The following GPATCH2 variants were observed in gnomAD, a reference collection of about 807,000 sequenced individuals.
GPATCH2 encodes the protein G patch domain-containing protein 2.
A neutral mutation model predicts 58.0 loss-of-function variants in GPATCH2; 51 were observed. The ratio of observed to expected loss-of-function variants is 0.88; its 90% CI spans 0.70 to 1.11. The LOEUF (loss-of-function observed/expected upper bound fraction) is 1.11, where lower values mean the gene tolerates loss of function less well. Ranked by LOEUF, GPATCH2 falls within the 50% of genes most tolerant of loss-of-function variation. The probability of loss-of-function intolerance (pLI) is 0.00; values close to 1 mark genes in which losing one functional copy is unlikely to be tolerated. For missense variants in GPATCH2, 625 were observed against 652.2 expected (o/e 0.96, Z 0.45); for synonymous variants, 222 against 218.5 (o/e 1.02, Z -0.14).
At chr1:217,470,727 C>A (rs1301237805) in intron 8 of GPATCH2, among the ~76,000 whole-genome samples, 1 of 151,870 alleles carries the variant, frequency 6.6e-6, no homozygotes, top group African/African-American at 2.4e-5. Flanking sequence ...TAATTAAATC[C>A]CTTAAAAACC....
intron 5 of GPATCH2, among the ~76,000 whole-genome samples, chr1:217,588,890 C>T (rs905753117): frequency 6.6e-6 from 1 of 152,142 alleles, no homozygotes; most frequent in Non-Finnish European, 1.5e-5. Context: ...ACACATAAAA[C>T]ATTTTAAACA....
intron 5 of GPATCH2, among the ~76,000 whole-genome samples, chr1:217,558,648 C>T (rs1032945699): frequency 1.3e-5 from 2 of 152,028 alleles, no homozygotes; most frequent in Non-Finnish European, 2.9e-5. Flanking sequence ...AAGTTGTGGT[C>T]ATCATTAAAA....
rs545914951 is a variant in GPATCH2 at position 217,463,484 on chromosome 1, G to C, written c.1278-14147C>G. On this transcript the variant is annotated intron_variant, in intron 8 of 9. Coordinates refer to ENST00000366935, the MANE Select transcript of GPATCH2 (RefSeq NM_018040.5). ...GCCTTGCTAGCCATGTTTAGGACTT[G>C]GTTTTAAGGCAATGAGAAGCCATTA... Among the ~76,000 whole-genome samples the C allele has an allele frequency of 6.6e-5, 10 of 151,968 alleles. No homozygotes were observed. In the South Asian group the frequency reaches 2.1e-3, roughly 32 times the overall value.
intron 5 of GPATCH2, among the ~76,000 whole-genome samples, chr1:217,565,616 A>C (rs1666185391): frequency 6.6e-6 from 1 of 152,234 alleles, no homozygotes; most frequent in Non-Finnish European, 1.5e-5. Context: ...CTGGCAAATG[A>C]GTATCCATGA....
chr1:217,465,592 T>C (rs548031477), intron 8 of GPATCH2, among the ~76,000 whole-genome samples: 1 of 152,220 alleles, frequency 6.6e-6, no homozygotes, highest in Admixed American at 6.5e-5. Context: ...TGAGATCTGA[T>C]TGGTTTATCA....
intron 8 of GPATCH2, among the ~76,000 whole-genome samples, chr1:217,485,722 T>C (rs935602339): frequency 1.3e-5 from 2 of 152,174 alleles, no homozygotes; most frequent in African/African-American, 4.8e-5. Flanking sequence ...TGGTATAGCC[T>C]ATTGCTTCTA....
chr1:217,485,982 T>G (rs1187405730), intron 8 of GPATCH2, among the ~76,000 whole-genome samples: 2 of 152,242 alleles, frequency 1.3e-5, no homozygotes, highest in Non-Finnish European at 2.9e-5. Flanking sequence ...CATTTCAACT[T>G]TATTTTTCTT....
intron 5 of GPATCH2, among the ~76,000 whole-genome samples, chr1:217,554,590 T>C (rs1007637363): frequency 3.9e-5 from 6 of 152,218 alleles, no homozygotes; most frequent in Admixed American, 6.5e-5. Context: ...GGAATATATA[T>C]ACCCATTGAT....
At chr1:217,590,202 G>A (rs933233015) in intron 5 of GPATCH2, among the ~76,000 whole-genome samples, 1 of 151,862 alleles carries the variant, frequency 6.6e-6, no homozygotes, top group Admixed American at 6.6e-5. Flanking sequence ...TGTGTTTTTA[G>A]TAGAGACAGG....
At chr1:217,455,118 G>A (rs1405503397) in intron 8 of GPATCH2, among the ~76,000 whole-genome samples, 1 of 152,166 alleles carries the variant, frequency 6.6e-6, no homozygotes, top group East Asian at 1.9e-4. Context: ...ATCTTAGCAA[G>A]AGGTGGTTTA....
intron 8 of GPATCH2, among the ~76,000 whole-genome samples, chr1:217,470,938 T>TA (rs200769177): frequency 4.0e-5 from 6 of 151,684 alleles, no homozygotes; most frequent in Non-Finnish European, 7.4e-5. Context: ...TAAGAATGAA[T>TA]AAAAAAAACT....
chr1:217,625,525 C>G (rs995125184), intron 1 of GPATCH2, among the ~76,000 whole-genome samples: 2 of 152,050 alleles, frequency 1.3e-5, no homozygotes, highest in South Asian at 2.1e-4. Flanking sequence ...ATGACTATTG[C>G]TTTTTGAAGC....
intron 9 of GPATCH2, among the ~76,000 whole-genome samples, chr1:217,432,043 AGAG>A (rs1368504284): frequency 6.6e-6 from 1 of 151,986 alleles, no homozygotes; most frequent in Admixed American, 6.6e-5. Context: ...ATAATATTAA[AGAG>A]ATATATATTA....
chr1:217,518,055 TA>T (rs1191404408), intron 5 of GPATCH2, among the ~76,000 whole-genome samples: 3 of 152,162 alleles, frequency 2.0e-5, no homozygotes, highest in African/African-American at 7.2e-5. Flanking sequence ...TATTACTATA[TA>T]AATAACGACT....
At chr1:217,581,118 A>C (rs1363600015) in intron 5 of GPATCH2, among the ~76,000 whole-genome samples, 1 of 152,208 alleles carries the variant, frequency 6.6e-6, no homozygotes, top group African/African-American at 2.4e-5. Flanking sequence ...ACCAGCCCCA[A>C]GATCCGCTGG....
chr1:217,512,357 T>A (rs952530388), intron 6 of GPATCH2, among the ~76,000 whole-genome samples: 3 of 151,968 alleles, frequency 2.0e-5, no homozygotes, highest in Non-Finnish European at 4.4e-5. Flanking sequence ...CAAAATATAA[T>A]CTGAATTGAA....
chr1:217,442,328 C>T (rs1383926862), intron 9 of GPATCH2, among the ~76,000 whole-genome samples: 1 of 152,040 alleles, frequency 6.6e-6, no homozygotes. Context: ...CCATCACATA[C>T]TGGGGCCTCT....
chr1:217,555,446 G>T (rs1665572321), intron 5 of GPATCH2, among the ~76,000 whole-genome samples: 1 of 152,074 alleles, frequency 6.6e-6, no homozygotes, highest in South Asian at 2.1e-4. Context: ...AGGACAATTT[G>T]CTCCTGCTTG....
At chr1:217,610,127 C>T (rs770955343) in intron 5 of GPATCH2, 194 bp downstream of exon 5, 15 of 1,548,338 alleles carry the variant, frequency 9.7e-6, no homozygotes, top group South Asian at 3.6e-5. Flanking sequence ...ATGTTCAAAA[C>T]GTAACTAATT....
Sources: allele counts gnomAD v4.1 joint callset (sites outside exome capture counted in the v4.1 genomes callset), GRCh38; gene constraint gnomAD v4.1.1; transcripts MANE v1.5; gene names NCBI Gene and HGNC (gene_info 2026-07-23, HGNC 2026-07-21).